The following BCL11A variants were observed in gnomAD, a reference collection of about 807,000 sequenced individuals.
BCL11A encodes BCL11 transcription factor A, also known as B cell CLL/lymphoma 11A.
Under a neutral mutation model 55.9 loss-of-function variants are expected in BCL11A, and 2 were observed. The ratio of observed to expected loss-of-function variants is 0.04; its 90% CI spans 0.01 to 0.11. BCL11A has a LOEUF of 0.11. BCL11A is among the 10% of genes least tolerant of loss of function. The pLI, the probability that BCL11A is intolerant of heterozygous loss-of-function variation, is 1.00. For synonymous variants in BCL11A, 465 were observed against 473.4 expected, an observed-to-expected ratio of 0.98 and a Z score of 0.23; for missense variants, 817 against 1,137.1, an observed-to-expected ratio of 0.72 and a Z score of 4.05.
intron 2 of BCL11A, chr2:60,538,442 C>T (rs1043614182): frequency 1.3e-5 from 2 of 152,176 alleles, no homozygotes; most frequent in African/African-American, 4.8e-5. Context: ...ACTTCTAATT[C>T]GCCAGTTCTT....
At chr2:60,456,424 C>G (rs1478259151), downstream of BCL11A, among the ~76,000 whole-genome samples, 10 of 152,152 alleles carry the variant, frequency 6.6e-5, no homozygotes, top group Non-Finnish European at 5.9e-5. Flanking sequence ...GGTATTCCCG[C>G]CCTTATTTGC....
chr2:60,545,926 G>C lies in BCL11A; in HGVS notation c.385+45C>G, dbSNP rs777001649. On this transcript the variant is annotated intron_variant, in intron 2 of 3. Coordinates refer to ENST00000642384, the MANE Select transcript of BCL11A (RefSeq NM_022893.4). Reference sequence around the variant, plus strand: ...GCTTGGCTACAGCACCTCTGAAAATGAAAAGAAAACATGCAAACAGCTTTT... The same window carrying C: ...GCTTGGCTACAGCACCTCTGAAAATCAAAAGAAAACATGCAAACAGCTTTT... The C allele has an allele frequency of 3.2e-6, 5 of 1,558,542 alleles. No homozygotes were observed. The Admixed American group carries it at 8.8e-5, about 27-fold the overall frequency.
chr2:60,539,250 C>T (rs76128942), intron 2 of BCL11A, among the ~76,000 whole-genome samples: 1,832 of 152,288 alleles, frequency 0.012, 11 homozygotes, highest in Non-Finnish European at 0.018. Flanking sequence ...CATTTACATG[C>T]GCCCATCTGA....
At chr2:60,549,668 G>C (rs1453536954) in intron 1 of BCL11A, 1 of 152,236 alleles carries the variant, frequency 6.6e-6, no homozygotes, top group Non-Finnish European at 1.5e-5. Flanking sequence ...CCTGACTGCT[G>C]CCTCCATGCC....
intron 1 of BCL11A, chr2:60,550,726 T>G (rs1670374947): frequency 2.5e-6 from 1 of 397,526 alleles, no homozygotes; most frequent in African/African-American, 2.1e-5. Flanking sequence ...TGTCCCAAGA[T>G]GGACCCAGGA....
At chr2:60,543,802 C>A (rs1178641287) in intron 2 of BCL11A, 1 of 152,244 alleles carries the variant, frequency 6.6e-6, no homozygotes, top group African/African-American at 2.4e-5. Context: ...TGTTGTGCGC[C>A]CATTGAATAT....
At chr2:60,524,132 A>G (rs1184994096) in intron 2 of BCL11A, among the ~76,000 whole-genome samples, 1 of 152,226 alleles carries the variant, frequency 6.6e-6, no homozygotes, top group Non-Finnish European at 1.5e-5. Context: ...TGGTAAATAT[A>G]ATCTATATAT....
chr2:60,494,404 AC>A (rs1157602588), intron 2 of BCL11A, among the ~76,000 whole-genome samples: 1 of 152,100 alleles, frequency 6.6e-6, no homozygotes, highest in Non-Finnish European at 1.5e-5. Flanking sequence ...TATCTCCAAT[AC>A]CCTAATGTCT....
intron 3 of BCL11A, among the ~76,000 whole-genome samples, chr2:60,467,339 G>GTGC (rs1343463557): frequency 8.2e-4 from 55 of 67,030 alleles, no homozygotes; most frequent in Admixed American, 1.1e-3. Context: ...GGTAGTGATG[G>GTGC]TGGTGGTAAT....
At chr2:60,507,613 CAG>C (rs1454823687) in intron 2 of BCL11A, among the ~76,000 whole-genome samples, 1 of 152,130 alleles carries the variant, frequency 6.6e-6, no homozygotes, top group East Asian at 1.9e-4. Context: ...CACTGCATAA[CAG>C]AGTCTCTTAC....
At chr2:60,527,266 G>A (rs903324364) in intron 2 of BCL11A, 2 of 152,220 alleles carry the variant, frequency 1.3e-5, no homozygotes, top group Non-Finnish European at 2.9e-5. Context: ...GCGAGCGAGG[G>A]AAATAAGAAG....
intron 2 of BCL11A, among the ~76,000 whole-genome samples, chr2:60,478,973 T>G (rs1558630343): frequency 6.6e-6 from 1 of 151,766 alleles, no homozygotes; most frequent in Non-Finnish European, 1.5e-5. Context: ...TTTTTGTTTT[T>G]TTTTTTTCCC....
intron 2 of BCL11A, among the ~76,000 whole-genome samples, chr2:60,508,354 G>T (rs555364729): frequency 9.5e-4 from 144 of 152,302 alleles, no homozygotes; most frequent in African/African-American, 2.4e-3. Context: ...TACACCCCAG[G>T]CCACACTCCC....
intron 2 of BCL11A, chr2:60,542,200 C>G (rs1414493050): frequency 7.7e-6 from 2 of 260,308 alleles, no homozygotes; most frequent in African/African-American, 4.4e-5. Flanking sequence ...GCAGACTTTA[C>G]TACATTTTAT....
At chr2:60,514,728 C>A (rs1162733826) in intron 2 of BCL11A, among the ~76,000 whole-genome samples, 1 of 150,844 alleles carries the variant, frequency 6.6e-6, no homozygotes, top group East Asian at 1.9e-4. Context: ...CAGAGTTGTG[C>A]AAATAAATCT....
chr2:60,516,561 G>A (rs1368803941), intron 2 of BCL11A, among the ~76,000 whole-genome samples: 1 of 152,246 alleles, frequency 6.6e-6, no homozygotes, highest in Non-Finnish European at 1.5e-5. Context: ...CGGGGAAGTG[G>A]AGAGGAAGTC....
At chr2:60,454,111 G>A (rs1675836166), downstream of BCL11A, among the ~76,000 whole-genome samples, 1 of 152,118 alleles carries the variant, frequency 6.6e-6, no homozygotes, top group Admixed American at 6.5e-5. Flanking sequence ...CGTGCTGTAT[G>A]TAGTAAATTA....
At chr2:60,469,621 G>GTA (rs886641180) in intron 2 of BCL11A, among the ~76,000 whole-genome samples, 5 of 152,238 alleles carry the variant, frequency 3.3e-5, no homozygotes, top group Non-Finnish European at 7.3e-5. Context: ...ACTGCACTTT[G>GTA]TTGTACTCTG....
At chr2:60,455,200 T>G (rs1229465036), downstream of BCL11A, among the ~76,000 whole-genome samples, 1 of 152,168 alleles carries the variant, frequency 6.6e-6, no homozygotes, top group Non-Finnish European at 1.5e-5. Context: ...TCAGTTCAGG[T>G]ATGTAGAGAA....
Sources: gnomAD v4.1 joint callset for allele counts (sites outside exome capture counted in the v4.1 genomes callset) on GRCh38, gnomAD v4.1.1 for gene constraint, MANE v1.5 for transcripts, NCBI Gene and HGNC (gene_info 2026-07-23, HGNC 2026-07-21) for gene names.